LYPD6B: variants seen among roughly 807,000 people sequenced by gnomAD.
The protein encoded by LYPD6B is ly6/PLAUR domain-containing protein 6B.
In LYPD6B, 17 loss-of-function variants were observed where a neutral mutation model predicts 22.8. The observed-to-expected ratio is 0.75, with a 90% CI of 0.51 to 1.12. The LOEUF (loss-of-function observed/expected upper bound fraction) is 1.12, where lower values mean the gene tolerates loss of function less well. LYPD6B is among the 50% of genes most tolerant of loss of function. LYPD6B has a pLI of 0.00. For synonymous variants in LYPD6B, 106 were observed against 91.6 expected (o/e 1.16, Z -0.90); for missense variants, 221 against 258.3 (o/e 0.86, Z 0.99).
intron 1 of LYPD6B, among the ~76,000 whole-genome samples, chr2:149,077,116 C>T (rs947064849): frequency 2.0e-5 from 3 of 152,222 alleles, no homozygotes; most frequent in Non-Finnish European, 1.5e-5. Context: ...AATGCATGGC[C>T]ATGGACGACT....
At chr2:149,090,593 G>A (rs745621637) in intron 1 of LYPD6B, among the ~76,000 whole-genome samples, 6 of 151,994 alleles carry the variant, frequency 3.9e-5, no homozygotes, top group Non-Finnish European at 7.4e-5. Flanking sequence ...CTGTTTATAA[G>A]AATTACATAA....
chr2:149,214,719 TTCCTA>T lies in LYPD6B; in HGVS notation c.*10_*14del. On this transcript the variant is annotated 3_prime_UTR_variant, in exon 7 of 7. Transcript: ENST00000409642. ...TGCTTCCATTGCTGTGATGCCACCA[TTCCTA>T]GGAGAGGCAGAGACCAGCCTCTAAA... The T allele has an allele frequency of 4.3e-6, 7 of 1,613,790 alleles. No individual in the cohort carries two copies. Among genetic ancestry groups the T allele is most frequent in the Non-Finnish European group, 5.1e-6 (6 of 1,179,720 alleles).
chr2:149,123,214 G>A (rs920689163), intron 1 of LYPD6B, among the ~76,000 whole-genome samples: 2 of 152,152 alleles, frequency 1.3e-5, no homozygotes, highest in Non-Finnish European at 2.9e-5. Flanking sequence ...GGGCAGCAGT[G>A]TGGTTTCAGC....
intron 1 of LYPD6B, among the ~76,000 whole-genome samples, chr2:149,053,760 G>C (rs544787427): frequency 6.6e-6 from 1 of 152,178 alleles, no homozygotes; most frequent in East Asian, 1.9e-4. Flanking sequence ...CCCATTCCCT[G>C]GCAACCACTA....
chr2:149,089,074 T>C (rs1216620029), intron 1 of LYPD6B, among the ~76,000 whole-genome samples: 5 of 152,158 alleles, frequency 3.3e-5, no homozygotes, highest in Non-Finnish European at 4.4e-5. Context: ...ATAGAATACA[T>C]GTAAAGTGTG....
chr2:149,079,925 G>A (rs1437315001), intron 1 of LYPD6B, among the ~76,000 whole-genome samples: 2 of 152,120 alleles, frequency 1.3e-5, no homozygotes, highest in Non-Finnish European at 2.9e-5. Context: ...TTCTAAACTG[G>A]GTGGCTTTGT....
At chr2:149,069,311 G>A (rs1461122644) in intron 1 of LYPD6B, among the ~76,000 whole-genome samples, 1 of 151,936 alleles carries the variant, frequency 6.6e-6, no homozygotes, top group Non-Finnish European at 1.5e-5. Context: ...ACTAGTTTTT[G>A]TTACACAGGA....
At chr2:149,140,452 A>G (rs969528649) in intron 2 of LYPD6B, among the ~76,000 whole-genome samples, 1 of 152,274 alleles carries the variant, frequency 6.6e-6, no homozygotes, top group East Asian at 1.9e-4. Context: ...AGAGAAGGTA[A>G]ATGGGAGAAG....
intron 3 of LYPD6B, among the ~76,000 whole-genome samples, chr2:149,162,139 A>T (rs746858101): frequency 6.6e-6 from 1 of 152,302 alleles, no homozygotes; most frequent in African/African-American, 2.4e-5. Context: ...ACAGTGTTAA[A>T]CAGTGTCAGG....
intron 1 of LYPD6B, among the ~76,000 whole-genome samples, chr2:149,049,333 A>G (rs892294899): frequency 2.0e-5 from 3 of 152,234 alleles, no homozygotes; most frequent in African/African-American, 7.2e-5. Flanking sequence ...ATGACTCAGT[A>G]TATGAGCATG....
chr2:149,095,448 GT>G (rs1018565246), intron 1 of LYPD6B, among the ~76,000 whole-genome samples: 1 of 152,144 alleles, frequency 6.6e-6, no homozygotes, highest in Admixed American at 6.5e-5. Flanking sequence ...GAGTGTAGCT[GT>G]TTTTTTCCCC....
At chr2:149,208,936 T>A (rs1455495561) in intron 5 of LYPD6B, among the ~76,000 whole-genome samples, 1 of 152,172 alleles carries the variant, frequency 6.6e-6, no homozygotes, top group African/African-American at 2.4e-5. Flanking sequence ...ACCTTAGAAC[T>A]ACGACCTGAG....
At chr2:149,213,219 C>A in intron 6 of LYPD6B, 97 bp downstream of exon 6, 2 of 1,441,180 alleles carry the variant, frequency 1.4e-6, no homozygotes, top group Non-Finnish European at 1.9e-6. Flanking sequence ...ATATGTGGAC[C>A]ATGTTTACAT....
chr2:149,083,235 C>T (rs1054191994), intron 1 of LYPD6B, among the ~76,000 whole-genome samples: 4 of 152,334 alleles, frequency 2.6e-5, no homozygotes, highest in African/African-American at 9.6e-5. Flanking sequence ...GTCTCGCTCT[C>T]TAAGTTTCAG....
At chr2:149,134,685 G>A (rs1688250260) in intron 2 of LYPD6B, among the ~76,000 whole-genome samples, 3 of 152,138 alleles carry the variant, frequency 2.0e-5, no homozygotes, top group Non-Finnish European at 4.4e-5. Flanking sequence ...GGTATGGGAG[G>A]AGGCAAAGGA....
intron 2 of LYPD6B, among the ~76,000 whole-genome samples, chr2:149,158,707 A>G (rs1408075683): frequency 6.6e-6 from 1 of 152,246 alleles, no homozygotes; most frequent in African/African-American, 2.4e-5. Context: ...ATAATAAAAA[A>G]GTTTTAAAAT....
At chr2:149,095,202 G>A (rs1574956664) in intron 1 of LYPD6B, among the ~76,000 whole-genome samples, 1 of 152,114 alleles carries the variant, frequency 6.6e-6, no homozygotes, top group Admixed American at 6.6e-5. Flanking sequence ...AGGCTGAGGC[G>A]AGAGAATCGC....
rs1394417297 is a variant in LYPD6B at position 149,065,554 on chromosome 2, A to G, written c.-67+26753A>G. Among the ~76,000 whole-genome samples the G allele has an allele frequency of 2.6e-5, 4 of 152,192 alleles. No individual in the cohort carries two copies. The East Asian group carries it at 5.8e-4, about 22-fold the overall frequency. On this transcript the variant is annotated intron_variant, in intron 1 of 6. Transcript: ENST00000409642. ...TGCTTCCTGGGAGAGAACCCGAGCT[A>G]GACTCCAGTTACTTCCTGCTGCATC...
chr2:149,191,516 C>T (rs1197350081), intron 3 of LYPD6B, among the ~76,000 whole-genome samples: 3 of 152,008 alleles, frequency 2.0e-5, no homozygotes, highest in South Asian at 2.1e-4. Flanking sequence ...ATGTCTGGAC[C>T]GTCTATTCTG....
Sources: gnomAD v4.1 joint callset for allele counts (sites outside exome capture counted in the v4.1 genomes callset) on GRCh38, gnomAD v4.1.1 for gene constraint, MANE v1.5 for transcripts, NCBI Gene and HGNC (gene_info 2026-07-23, HGNC 2026-07-21) for gene names.